The following BACH2 variants were observed in gnomAD, a reference collection of about 807,000 sequenced individuals.
BACH2 encodes BACH transcriptional regulator 2, also known as transcription regulator protein BACH2.
Under a neutral mutation model 61.8 loss-of-function variants are expected in BACH2, and 5 were observed. That is an observed-to-expected ratio of 0.08 (90% CI 0.04 to 0.17). The LOEUF is 0.17. BACH2 is among the 10% of genes least tolerant of loss of function. BACH2 has a pLI of 1.00. For missense variants in BACH2, 824 were observed against 1,091.1 expected, an observed-to-expected ratio of 0.76 and a Z score of 3.45; for synonymous variants, 446 against 440.1, an observed-to-expected ratio of 1.01 and a Z score of -0.17.
In BACH2 at chr6:90,052,520, A is replaced by G. The variant is rs1246859819; in HGVS notation, c.-13+36441T>C. Reference sequence around the variant, plus strand: ...CTGCAACCTCCGTCTCCTGGGTTCAAGCGATTCTCATGCCTCAGCCTCCCG... The same window carrying G: ...CTGCAACCTCCGTCTCCTGGGTTCAGGCGATTCTCATGCCTCAGCCTCCCG... On this transcript the variant is annotated intron_variant, in intron 5 of 8. Coordinates refer to ENST00000257749, the MANE Select transcript of BACH2 (RefSeq NM_021813.4). 3.3e-5 allele frequency among the ~76,000 whole-genome samples: 5 copies of G among 152,146 alleles called. No homozygotes were observed. The South Asian group carries it at 6.2e-4, about 19-fold the overall frequency.
At chr6:90,262,538 A>T (rs1250421397) in intron 2 of BACH2, among the ~76,000 whole-genome samples, 1 of 152,120 alleles carries the variant, frequency 6.6e-6, no homozygotes, top group Non-Finnish European at 1.5e-5. Flanking sequence ...CACTAAATGG[A>T]TGTTTACTGA....
At chr6:90,295,756 T>C (rs181585358) in intron 1 of BACH2, among the ~76,000 whole-genome samples, 2 of 152,014 alleles carry the variant, frequency 1.3e-5, no homozygotes, top group East Asian at 3.9e-4. Context: ...CTGGCGCCCT[T>C]AGGTCTTAGC....
chr6:90,246,120 A>T (rs1048143264), intron 3 of BACH2, among the ~76,000 whole-genome samples: 4 of 152,244 alleles, frequency 2.6e-5, no homozygotes, highest in Non-Finnish European at 5.9e-5. Flanking sequence ...CAGATTGGTG[A>T]GAGCCAGGAG....
intron 6 of BACH2, among the ~76,000 whole-genome samples, chr6:89,988,971 C>A (rs936151848): frequency 6.6e-6 from 1 of 152,140 alleles, no homozygotes; most frequent in Non-Finnish European, 1.5e-5. Flanking sequence ...AAATCTAGGT[C>A]GAACTCTAGA....
intron 5 of BACH2, among the ~76,000 whole-genome samples, chr6:90,060,668 T>G (rs1780638479): frequency 6.6e-6 from 1 of 152,198 alleles, no homozygotes; most frequent in Non-Finnish European, 1.5e-5. Context: ...TTGCTGATTT[T>G]CACTCACGGT....
At chr6:90,157,869 C>CA (rs1022991707) in intron 4 of BACH2, among the ~76,000 whole-genome samples, 1 of 152,118 alleles carries the variant, frequency 6.6e-6, no homozygotes, top group African/African-American at 2.4e-5. Flanking sequence ...ACTAGAAACA[C>CA]AGAGACCAGG....
chr6:90,146,539 C>G (rs1293376375), intron 4 of BACH2, among the ~76,000 whole-genome samples: 3 of 152,148 alleles, frequency 2.0e-5, no homozygotes, highest in Non-Finnish European at 4.4e-5. Flanking sequence ...ACTCCATGAC[C>G]CATAACTGAT....
chr6:90,062,776 T>C (rs1780751143), intron 5 of BACH2: 1 of 244,316 alleles, frequency 4.1e-6, no homozygotes, highest in Non-Finnish European at 6.4e-6. Flanking sequence ...TTTTTTTCCC[T>C]AAAGTGTAGT....
chr6:90,210,456 T>G (rs890674541), intron 3 of BACH2, among the ~76,000 whole-genome samples: 2 of 152,040 alleles, frequency 1.3e-5, no homozygotes, highest in Non-Finnish European at 1.5e-5. Flanking sequence ...CCAAAAAGAC[T>G]GGCCTTGTTC....
chr6:90,061,960 A>C (rs1451457014), intron 5 of BACH2, among the ~76,000 whole-genome samples: 1 of 152,200 alleles, frequency 6.6e-6, no homozygotes, highest in African/African-American at 2.4e-5. Flanking sequence ...TTTTGTGTGA[A>C]AGGGAGCAGT....
chr6:89,977,673 A>G (rs1775726816), intron 6 of BACH2, among the ~76,000 whole-genome samples: 1 of 152,362 alleles, frequency 6.6e-6, no homozygotes, highest in African/African-American at 2.4e-5. Context: ...TATTACTTCA[A>G]ATGGAGCCTA....
At chr6:90,089,196 C>T (rs1013558328) in intron 4 of BACH2, 87 bp from the exon 5 acceptor site, 1 of 152,094 alleles carries the variant, frequency 6.6e-6, no homozygotes, top group Non-Finnish European at 1.5e-5. Flanking sequence ...CGCCATACTC[C>T]GTTCTGCTTG....
At chr6:90,011,091 C>CA (rs1284385095) in intron 5 of BACH2, among the ~76,000 whole-genome samples, 1 of 151,946 alleles carries the variant, frequency 6.6e-6, no homozygotes, top group Non-Finnish European at 1.5e-5. Flanking sequence ...TTGATGAAGC[C>CA]AAAAAACCAT....
intron 8 of BACH2, among the ~76,000 whole-genome samples, chr6:89,935,065 G>A (rs934873522): frequency 2.0e-5 from 3 of 152,252 alleles, no homozygotes; most frequent in African/African-American, 7.2e-5. Context: ...TACATTATGC[G>A]AGTTTGCAAC....
Position 89,928,819 on chromosome 6 carries a change from T to G in BACH2, c.*3589A>C, listed in dbSNP as rs1022169657. 6.6e-6 allele frequency: 1 copy of G among 152,346 alleles called. No individual in the cohort carries two copies. The highest frequency in any genetic ancestry group is 1.9e-4 in the East Asian group (1 of 5,314). The allele number at this position is 152,346 out of a possible 1,614,324, so 9.4% of individuals were successfully genotyped here. Reference sequence around the variant, plus strand: ...TCATCTCTGATGCCTGAGTCATTGCTGGGAACTCAGAAGATAAATAGCAGG... The same window carrying G: ...TCATCTCTGATGCCTGAGTCATTGCGGGGAACTCAGAAGATAAATAGCAGG... On this transcript the variant is annotated 3_prime_UTR_variant, in exon 9 of 9. Coordinates refer to ENST00000257749, the MANE Select transcript of BACH2 (RefSeq NM_021813.4).
intron 5 of BACH2, among the ~76,000 whole-genome samples, chr6:90,076,514 T>C (rs1205836688): frequency 1.3e-5 from 2 of 152,172 alleles, no homozygotes; most frequent in East Asian, 1.9e-4. Context: ...GAATACAAAA[T>C]AGGCAGGTAT....
At chr6:90,028,183 C>A (rs1456451947) in intron 5 of BACH2, among the ~76,000 whole-genome samples, 1 of 152,208 alleles carries the variant, frequency 6.6e-6, no homozygotes, top group African/African-American at 2.4e-5. Flanking sequence ...CTGAGAAGTG[C>A]AGAGTACTCT....
At chr6:90,257,836 C>T (rs574223289) in intron 2 of BACH2, among the ~76,000 whole-genome samples, 12 of 152,244 alleles carry the variant, frequency 7.9e-5, no homozygotes, top group East Asian at 5.8e-4. Flanking sequence ...AGTGCAGTGG[C>T]GCCATCTCGG....
intron 1 of BACH2, among the ~76,000 whole-genome samples, chr6:90,273,713 T>C (rs1210421394): frequency 6.6e-6 from 1 of 152,166 alleles, no homozygotes; most frequent in African/African-American, 2.4e-5. Flanking sequence ...CTTTTCTGCC[T>C]CTGAACTTCT....
Sources: gnomAD v4.1 joint callset for allele counts (sites outside exome capture counted in the v4.1 genomes callset) on GRCh38, gnomAD v4.1.1 for gene constraint, MANE v1.5 for transcripts, NCBI Gene and HGNC (gene_info 2026-07-23, HGNC 2026-07-21) for gene names.